Variants in TNRC18 observed in about 807,000 individuals in gnomAD.
TNRC18 encodes the protein trinucleotide repeat-containing gene 18 protein.
Under a neutral mutation model 226.7 loss-of-function variants are expected in TNRC18, and 69 were observed. That is an observed-to-expected ratio of 0.30 (90% confidence interval 0.25 to 0.37). The LOEUF is 0.37. TNRC18 is among the 10% of genes least tolerant of loss of function. The pLI, the probability that TNRC18 is intolerant of heterozygous loss-of-function variation, is 1.00. For missense variants in TNRC18, 4,754 were observed against 4,256.6 expected (o/e 1.12, Z -3.25); for synonymous variants, 2,449 against 1,927.6 (o/e 1.27, Z -7.09).
chr7:5,379,917 G>A (rs900697187), intron 5 of TNRC18, among the ~76,000 whole-genome samples: 5 of 152,188 alleles, frequency 3.3e-5, no homozygotes, highest in African/African-American at 4.8e-5. Flanking sequence ...GGCAGACCCC[G>A]GCCATCAGCC....
chr7:5,387,695 G>A lies in TNRC18; in HGVS notation c.2129C>T (p.Ser710Phe). ...ACCTTTGACGTTACTCAGCGACAGA[G>A]AGCGCTCCTGGTCTACCAGCCCAGG... ...LGPGLVDQER[S>F]LSLSNVKGHG... The change falls in exon 5 of 30, where the codon TCT (serine) becomes TTT (phenylalanine). Residue 710 changes from serine (S) to phenylalanine (F), a missense_variant. Transcript: ENST00000430969. 1 of 1,605,098 alleles carries A rather than the reference G, an allele frequency of 6.2e-7. No individual in the cohort carries two copies. The highest frequency in any genetic ancestry group is 8.5e-7 in the Non-Finnish European group (1 of 1,179,852).
intron 2 of TNRC18, among the ~76,000 whole-genome samples, chr7:5,400,287 T>C (rs1421190030): frequency 1.3e-5 from 2 of 152,108 alleles, no homozygotes; most frequent in African/African-American, 2.4e-5. Context: ...TGTCTGCTTC[T>C]AGCCAAATGC....
chr7:5,366,316 A>C (rs1352249054), intron 11 of TNRC18, among the ~76,000 whole-genome samples: 19 of 53,714 alleles, frequency 3.5e-4, no homozygotes, highest in African/African-American at 1.9e-3. Flanking sequence ...CTCTTCTTAT[A>C]TCTTTTTTTT....
chr7:5,374,326 G>A lies in TNRC18; in HGVS notation c.2958C>T (p.Tyr986=), dbSNP rs373336574. Residue 986 remains tyrosine (Y), a synonymous_variant, in exon 10 of 30, where the codon TAC becomes TAT. Coordinates refer to ENST00000430969, the MANE Select transcript of TNRC18 (RefSeq NM_001080495.3). ...PGLAAGPAGT[Y]GKAVSPPPSP... ...ATGGTGGCGGGCTCACGGCCTTGCCGTAGGTGCCCGCGGGGCCGGCGGCCA... is the reference window on the plus strand; with the variant it reads ...ATGGTGGCGGGCTCACGGCCTTGCCATAGGTGCCCGCGGGGCCGGCGGCCA... 64 of 1,426,086 alleles carry A rather than the reference G, an allele frequency of 4.5e-5. No individual in the cohort carries two copies. In the African/African-American group the frequency reaches 6.5e-4, roughly 15 times the overall value. The allele number at this position is 1,426,086 out of a possible 1,614,324, so 88.3% of individuals were successfully genotyped here.
At chr7:5,411,223 A>C (rs1345986799) in intron 2 of TNRC18, among the ~76,000 whole-genome samples, 1 of 151,596 alleles carries the variant, frequency 6.6e-6, no homozygotes, top group Non-Finnish European at 1.5e-5. Flanking sequence ...CTCAAAAAAA[A>C]AAAAAAAAAA....
At chr7:5,355,509 C>T (rs753615471) in intron 16 of TNRC18, among the ~76,000 whole-genome samples, 3 of 152,154 alleles carry the variant, frequency 2.0e-5, no homozygotes, top group Admixed American at 6.5e-5. Context: ...CCCAGCTATT[C>T]GGGAGGCTAA....
rs1786641580 is a variant in TNRC18 at position 5,307,290 on chromosome 7, T to TAA, written c.*814_*815dup. 6.6e-6 allele frequency: 1 copy of TAA among 150,696 alleles called. No individual in the cohort carries two copies. The highest frequency in any genetic ancestry group is 2.1e-4 in the South Asian group (1 of 4,848). 9.3% of individuals were successfully genotyped at this position (150,696 alleles called of 1,614,324 possible). On this transcript the variant is annotated 3_prime_UTR_variant, in exon 30 of 30. Coordinates refer to ENST00000430969, the MANE Select transcript of TNRC18 (RefSeq NM_001080495.3). ...TTATATATATTTATCTTTATATATA[T>TAA]AATTAAAAAGTTGACTCCATTTAAA...
rs557632737 is a variant in TNRC18, at chr7:5,334,962, A to G, written c.5720-1913T>C. ...GAAATAGAGTCCCGCTGACCTCAGCACCAGGAAAGAGAAGTCTAGAAACTG... is the reference window on the plus strand; with the variant it reads ...GAAATAGAGTCCCGCTGACCTCAGCGCCAGGAAAGAGAAGTCTAGAAACTG... On this transcript the variant is annotated intron_variant, in intron 18 of 29. Coordinates refer to ENST00000430969, the MANE Select transcript of TNRC18 (RefSeq NM_001080495.3). Among the ~76,000 whole-genome samples the G allele has an allele frequency of 1.1e-4, 16 of 152,264 alleles. No individual in the cohort carries two copies. In the South Asian group the frequency reaches 3.3e-3, roughly 32 times the overall value.
At chr7:5,326,402 G>A (rs74200696) in intron 19 of TNRC18, among the ~76,000 whole-genome samples, 27,740 of 152,048 alleles carry the variant, frequency 0.18, 3,142 homozygotes, top group East Asian at 0.63. Flanking sequence ...AACCACCCCC[G>A]CGATGAGAAG....
At chr7:5,345,517 G>GGGGGGGGGCCCCCCCCCCACCCCCCC in intron 18 of TNRC18, 45 bp downstream of exon 18, 1 of 377,742 alleles carries the variant, frequency 2.6e-6, no homozygotes, top group East Asian at 4.6e-5. Flanking sequence ...AATGGCGTCC[G>GGGGGGGGGCCCCCCCCCCACCCCCCC]CCCCTCCCAC....
chr7:5,324,735 G>T lies in TNRC18; in HGVS notation c.6300+361C>A, dbSNP rs113240589. ...TTGAGGAAAAACCACTCGGGCAGGG[G>T]CTAGCAGGTGTGGGGAGTGGACATG... On this transcript the variant is annotated intron_variant, in intron 20 of 29. Coordinates refer to ENST00000430969, the MANE Select transcript of TNRC18 (RefSeq NM_001080495.3). This position sits in a 1 kb window ranked among gnomAD's most constrained non-coding sequence, Gnocchi z 4.8. Among the ~76,000 whole-genome samples the T allele has an allele frequency of 2.8e-4, 42 of 152,160 alleles. No individual in the cohort carries two copies. Among genetic ancestry groups the T allele is most frequent in the African/African-American group, 9.9e-4 (41 of 41,440 alleles).
At chr7:5,343,228 C>T (rs1317594698) in intron 18 of TNRC18, among the ~76,000 whole-genome samples, 1 of 143,594 alleles carries the variant, frequency 7.0e-6, no homozygotes, top group East Asian at 2.4e-4. Flanking sequence ...GTGGTGTGTG[C>T]TTGTAATCCC....
intron 19 of TNRC18, among the ~76,000 whole-genome samples, chr7:5,329,621 T>C (rs1039019082): frequency 4.6e-5 from 6 of 130,042 alleles, no homozygotes; most frequent in African/African-American, 1.7e-4. Flanking sequence ...AGGCGGAGGT[T>C]GCAGTGAGCC....
In TNRC18 at chr7:5,313,248, T is replaced by C. The variant is rs1787466562; in HGVS notation, c.7643A>G (p.Gln2548Arg). 1.3e-6 allele frequency: 2 copies of C among 1,548,914 alleles called. No individual in the cohort carries two copies. Among genetic ancestry groups the C allele is most frequent in the Middle Eastern group, 2.2e-4 (1 of 4,618 alleles). ...CTCTTCGGCCCCGTCCTGCTCAGCC[T>C]GGGCCTTGTCTGGGCTCTTGGGGTT... is the stretch of plus-strand genomic sequence containing the variant. ...SGNPKSPDKA[Q>R]AEQDGAEESE... The change falls in exon 27 of 30, where the codon CAG becomes CGG. Residue 2548 changes from glutamine (Q) to arginine (R), a missense_variant. By Grantham distance (43) the Gln-to-Arg change is conservative. Transcript: ENST00000430969.
intron 19 of TNRC18, among the ~76,000 whole-genome samples, chr7:5,327,385 G>GTGTGTA (rs1562497265): frequency 9.5e-6 from 1 of 105,102 alleles, no homozygotes; most frequent in African/African-American, 3.2e-5. Context: ...GTGTGTGTGT[G>GTGTGTA]TGTGTGTGTG....
chr7:5,323,785 C>G (rs1259471084), intron 21 of TNRC18, among the ~76,000 whole-genome samples: 4 of 152,110 alleles, frequency 2.6e-5, no homozygotes. Context: ...CCAGGCTGGT[C>G]TGGAACTCCT....
chr7:5,400,366 T>G (rs1780998460), intron 2 of TNRC18, among the ~76,000 whole-genome samples: 1 of 151,686 alleles, frequency 6.6e-6, no homozygotes, highest in African/African-American at 2.4e-5. Flanking sequence ...TCACAGCACT[T>G]TGGGAGGCAG....
In TNRC18 at chr7:5,357,259, C is replaced by T. The variant is rs1244318932; in HGVS notation, c.4851G>A (p.Lys1617=). ...DFISQLKIKK[K]KMASDQEQLA... Reference sequence around the variant, plus strand: ...ACTGCTCCTGGTCGCTGGCCATCTTCTTCTTCTTAATCTTTAGCTGGAGAG... The same window carrying T: ...ACTGCTCCTGGTCGCTGGCCATCTTTTTCTTCTTAATCTTTAGCTGGAGAG... The change falls in exon 16 of 30, where the codon AAG becomes AAA. Residue 1617 remains lysine (K), a synonymous_variant. Transcript: ENST00000430969. The T allele has an allele frequency of 1.9e-6, 3 of 1,611,160 alleles. No homozygotes were observed. Among genetic ancestry groups the T allele is most frequent in the Non-Finnish European group, 2.5e-6 (3 of 1,178,770 alleles).
chr7:5,359,829 AC>A (rs1792844941), intron 14 of TNRC18, among the ~76,000 whole-genome samples: 1 of 78,944 alleles, frequency 1.3e-5, no homozygotes, highest in African/African-American at 4.3e-5. Context: ...GCGTACACTC[AC>A]ACACACACAC....
Sources: gnomAD v4.1 joint callset for allele counts (sites outside exome capture counted in the v4.1 genomes callset) on GRCh38, gnomAD v4.1.1 for gene constraint, Gnocchi (gnomAD v3.1) non-coding constraint, MANE v1.5 for transcripts, NCBI Gene and HGNC (gene_info 2026-07-23, HGNC 2026-07-21) for gene names.